FUT8: variants seen among roughly 807,000 people sequenced by gnomAD.
FUT8 encodes fucosyltransferase 8, also known as alpha-(1,6)-fucosyltransferase.
In FUT8, 29 loss-of-function variants were observed where a neutral mutation model predicts 71.3. The observed-to-expected ratio is 0.41, with a 90% CI of 0.30 to 0.55. The LOEUF is 0.55. FUT8 is among the 20% of genes least tolerant of loss of function. The probability of loss-of-function intolerance (pLI) is 0.34; values close to 1 mark genes in which losing one functional copy is unlikely to be tolerated. For synonymous variants in FUT8, 254 were observed against 239.3 expected (o/e 1.06, Z -0.57); for missense variants, 544 against 702.1 (o/e 0.77, Z 2.55).
intron 1 of FUT8, among the ~76,000 whole-genome samples, chr14:65,441,522 C>T (rs1332129179): frequency 6.6e-6 from 1 of 151,936 alleles, no homozygotes; most frequent in Non-Finnish European, 1.5e-5. Flanking sequence ...AGGTTAATCA[C>T]CTGAGGTTGG....
At chr14:65,516,609 A>G (rs180815428) in intron 2 of FUT8, among the ~76,000 whole-genome samples, 331 of 152,306 alleles carry the variant, frequency 2.2e-3, no homozygotes, top group Non-Finnish European at 3.5e-3. Context: ...TTTTGTAACT[A>G]TTTTATTAAT....
At chr14:65,523,241 T>G (rs1566800411) in intron 2 of FUT8, among the ~76,000 whole-genome samples, 1 of 152,142 alleles carries the variant, frequency 6.6e-6, no homozygotes, top group African/African-American at 2.4e-5. Context: ...ACCTGTTGTT[T>G]CCTGACTTTT....
chr14:65,594,154 G>T (rs933471888), intron 3 of FUT8, among the ~76,000 whole-genome samples: 1 of 152,172 alleles, frequency 6.6e-6, no homozygotes, highest in African/African-American at 2.4e-5. Context: ...GGGGTGCCTC[G>T]TTTACTCAGC....
intron 2 of FUT8, among the ~76,000 whole-genome samples, chr14:65,524,833 A>G (rs985359673): frequency 6.6e-6 from 1 of 152,082 alleles, no homozygotes; most frequent in African/African-American, 2.4e-5. Flanking sequence ...TGAGATAATC[A>G]TGTGGTTTTT....
chr14:65,361,291 G>A, the FUT8 span, among the ~76,000 whole-genome samples: 1 of 150,100 alleles, frequency 6.7e-6, no homozygotes, highest in Non-Finnish European at 1.5e-5. Context: ...GGGAGGCGGA[G>A]GTTGTGGTGA....
At chr14:65,452,992 A>AT (rs962091148) in intron 1 of FUT8, among the ~76,000 whole-genome samples, 5 of 151,986 alleles carry the variant, frequency 3.3e-5, no homozygotes, top group Non-Finnish European at 2.9e-5. Flanking sequence ...GTTGGTTTTG[A>AT]TTGATTGATA....
chr14:65,416,186 A>T (rs570391140), intron 1 of FUT8, among the ~76,000 whole-genome samples: 2 of 152,326 alleles, frequency 1.3e-5, no homozygotes, highest in South Asian at 4.1e-4. Context: ...TAGCAAATTG[A>T]TAAATATAAA....
rs1248657271 is a variant in FUT8, at chr14:65,433,353, A to G, written c.-326+20139A>G. 2.0e-5 allele frequency among the ~76,000 whole-genome samples: 3 copies of G among 152,372 alleles called. No individual in the cohort carries two copies. In the East Asian group the frequency reaches 5.8e-4, roughly 29 times the overall value. Reference sequence around the variant, plus strand: ...GGTACATAGTGATGATTAGCTTAGCATCAAAAACAAGTAGGGGCATTCCAG... The same window carrying G: ...GGTACATAGTGATGATTAGCTTAGCGTCAAAAACAAGTAGGGGCATTCCAG... On this transcript the variant is annotated intron_variant, in intron 1 of 10. Coordinates refer to ENST00000673929, the MANE Select transcript of FUT8 (RefSeq NM_001371533.1).
intron 3 of FUT8, among the ~76,000 whole-genome samples, chr14:65,609,435 A>G (rs763354846): frequency 3.3e-5 from 5 of 151,854 alleles, no homozygotes; most frequent in Non-Finnish European, 5.9e-5. Flanking sequence ...CCTTTCTGTC[A>G]TAGCTAAGAT....
chr14:65,461,874 A>C (rs980615123), intron 2 of FUT8, among the ~76,000 whole-genome samples: 1 of 152,194 alleles, frequency 6.6e-6, no homozygotes, highest in Admixed American at 6.5e-5. Flanking sequence ...AGATTTTAAC[A>C]ATGTGTAAGA....
intron 6 of FUT8, among the ~76,000 whole-genome samples, chr14:65,647,876 G>C (rs1325608264): frequency 6.7e-6 from 1 of 150,172 alleles, no homozygotes; most frequent in South Asian, 2.1e-4. Context: ...TCTCATTAAA[G>C]GTTAAAAAAA....
intron 3 of FUT8, among the ~76,000 whole-genome samples, chr14:65,594,671 C>G (rs182153785): frequency 6.6e-6 from 1 of 152,044 alleles, no homozygotes; most frequent in East Asian, 1.9e-4. Context: ...TTTATTGAGT[C>G]GTGAAAGCAG....
intron 2 of FUT8, among the ~76,000 whole-genome samples, chr14:65,556,651 GA>G (rs147208446): frequency 6.6e-6 from 1 of 152,320 alleles, no homozygotes; most frequent in East Asian, 1.9e-4. Context: ...AAGAGGAGGA[GA>G]TGATACAAGG....
chr14:65,364,296 C>G, the FUT8 span, among the ~76,000 whole-genome samples: 2 of 150,408 alleles, frequency 1.3e-5, no homozygotes, highest in Admixed American at 1.3e-4. Flanking sequence ...CCTCCACCTC[C>G]CGGGTTCAAG....
At chr14:65,449,332 G>A (rs138203401) in intron 1 of FUT8, among the ~76,000 whole-genome samples, 1,820 of 152,292 alleles carry the variant, frequency 0.012, 15 homozygotes, top group South Asian at 0.024. Context: ...TGTTGAAATA[G>A]CAGACAAAAC....
intron 7 of FUT8, among the ~76,000 whole-genome samples, chr14:65,706,558 A>C (rs1193968602): frequency 6.6e-6 from 1 of 152,104 alleles, no homozygotes; most frequent in Non-Finnish European, 1.5e-5. Context: ...AAACAACAGC[A>C]ATTTATTTCT....
At chr14:65,608,362 A>C (rs1888697368) in intron 3 of FUT8, among the ~76,000 whole-genome samples, 1 of 151,924 alleles carries the variant, frequency 6.6e-6, no homozygotes, top group Non-Finnish European at 1.5e-5. Flanking sequence ...TGTTGAAAGT[A>C]TTTAAGAAAG....
At chr14:65,716,190 C>T (rs576227187) in intron 7 of FUT8, among the ~76,000 whole-genome samples, 1 of 152,234 alleles carries the variant, frequency 6.6e-6, no homozygotes, top group South Asian at 2.1e-4. Context: ...TGTTGATTTT[C>T]TGTCTGTCCA....
chr14:65,686,827 G>C (rs1241171631), intron 7 of FUT8, among the ~76,000 whole-genome samples: 3 of 152,136 alleles, frequency 2.0e-5, no homozygotes, highest in Non-Finnish European at 4.4e-5. Context: ...ATATTAACCA[G>C]AAAATCCTTA....
Sources: allele counts gnomAD v4.1 joint callset (sites outside exome capture counted in the v4.1 genomes callset), GRCh38; gene constraint gnomAD v4.1.1; transcripts MANE v1.5; gene names NCBI Gene and HGNC (gene_info 2026-07-23, HGNC 2026-07-21).